The following DPP10 variants were observed in gnomAD, a reference collection of about 807,000 sequenced individuals.
DPP10 encodes the protein inactive dipeptidyl peptidase 10.
In DPP10, 33 loss-of-function variants were observed where a neutral mutation model predicts 120.9. The ratio of observed to expected loss-of-function variants is 0.27; its 90% CI spans 0.21 to 0.37. The LOEUF is 0.37. DPP10 is among the 10% of genes least tolerant of loss of function. The pLI is 1.00. For missense variants in DPP10, 816 were observed against 942.8 expected (o/e 0.87, Z 1.76); for synonymous variants, 337 against 326.1 (o/e 1.03, Z -0.36).
chr2:114,647,561 A>G (rs1198938308), intron 1 of DPP10, among the ~76,000 whole-genome samples: 1 of 152,084 alleles, frequency 6.6e-6, no homozygotes. Flanking sequence ...AATGAAATCC[A>G]TAATGAAAAG....
At chr2:114,740,769 A>G (rs1357350994) in intron 1 of DPP10, among the ~76,000 whole-genome samples, 2 of 152,204 alleles carry the variant, frequency 1.3e-5, no homozygotes, top group Non-Finnish European at 2.9e-5. Context: ...GCAGAAACAG[A>G]CTATGGACAA....
intron 1 of DPP10, among the ~76,000 whole-genome samples, chr2:114,681,866 C>T (rs1317594937): frequency 6.6e-6 from 1 of 151,920 alleles, no homozygotes; most frequent in Non-Finnish European, 1.5e-5. Context: ...ATCACTGTGG[C>T]ATTTTGCTGT....
intron 3 of DPP10, among the ~76,000 whole-genome samples, chr2:115,362,190 A>G (rs1332316980): frequency 6.6e-6 from 1 of 152,194 alleles, no homozygotes; most frequent in East Asian, 1.9e-4. Context: ...ATGTAGGTGC[A>G]TTCCAAAATG....
rs566836368 is a variant in DPP10, at chr2:115,383,282, G to A, written c.271+39370G>A. 9.4e-4 allele frequency among the ~76,000 whole-genome samples: 143 copies of A among 152,286 alleles called. 1 individual carries two copies. The South Asian group carries it at 0.011, about 11-fold the overall frequency. On this transcript the variant is annotated intron_variant, in intron 3 of 25. Transcript: ENST00000410059. ...ATGCTGTTCTCATGATAGTGAATAA[G>A]TCTCACAAGATATGATGGTTTTATA... is the stretch of plus-strand genomic sequence containing the variant.
At position 114,603,189 on chromosome 2, in the gene DPP10, C is replaced by G. The variant is rs115884050; in HGVS notation, c.60+160351C>G. ...CCACTTGTTTCAATTTACTACATGC[C>G]AGACTCTATATTACATACTTAACAT... is the stretch of plus-strand genomic sequence containing the variant. On this transcript the variant is annotated intron_variant, in intron 1 of 25. Transcript: ENST00000410059. Among the ~76,000 whole-genome samples, 772 of 151,998 alleles carry G rather than the reference C, an allele frequency of 5.1e-3. 8 individuals carry two copies. The highest frequency in any genetic ancestry group is 0.017 in the African/African-American group (718 of 41,468).
intron 1 of DPP10, among the ~76,000 whole-genome samples, chr2:114,698,837 A>G (rs1416317362): frequency 6.6e-6 from 1 of 152,090 alleles, no homozygotes; most frequent in African/African-American, 2.4e-5. Context: ...TAAAAACAAG[A>G]TGGTCATAAC....
intron 1 of DPP10, among the ~76,000 whole-genome samples, chr2:114,534,865 C>T (rs539880627): frequency 2.0e-5 from 3 of 152,268 alleles, no homozygotes; most frequent in Admixed American, 6.5e-5. Context: ...CCTTTATCTG[C>T]CTCTCCTGGT....
At chr2:114,907,653 A>T (rs372931533) in intron 1 of DPP10, among the ~76,000 whole-genome samples, 1 of 152,068 alleles carries the variant, frequency 6.6e-6, no homozygotes, top group Non-Finnish European at 1.5e-5. Flanking sequence ...TTATGGCTGG[A>T]AAACATGTAT....
chr2:115,451,372 A>G (rs987057026), intron 3 of DPP10, among the ~76,000 whole-genome samples: 5 of 151,900 alleles, frequency 3.3e-5, no homozygotes, highest in Non-Finnish European at 5.9e-5. Context: ...ATACCTTCCA[A>G]AATTTCAGTG....
At chr2:114,715,334 G>A (rs1458044732) in intron 1 of DPP10, among the ~76,000 whole-genome samples, 1 of 152,078 alleles carries the variant, frequency 6.6e-6, no homozygotes, top group African/African-American at 2.4e-5. Context: ...TGGCCAGGTT[G>A]TCAGTGGAAG....
In DPP10 at chr2:114,530,418, A is replaced by C. The variant is rs550382444; in HGVS notation, c.60+87580A>C. Among the ~76,000 whole-genome samples the C allele has an allele frequency of 5.3e-5, 8 of 152,322 alleles. No individual in the cohort carries two copies. The South Asian group carries it at 1.7e-3, about 32-fold the overall frequency. Reference sequence around the variant, plus strand: ...TGAATGAGACAGCAACAGCAGTGAAAGTAGCCTTCCATGATTATTATCGAA... The same window carrying C: ...TGAATGAGACAGCAACAGCAGTGAACGTAGCCTTCCATGATTATTATCGAA... On this transcript the variant is annotated intron_variant, in intron 1 of 25. Transcript: ENST00000410059.
chr2:114,978,149 A>G (rs1699866930), intron 1 of DPP10, among the ~76,000 whole-genome samples: 1 of 152,206 alleles, frequency 6.6e-6, no homozygotes, highest in Admixed American at 6.5e-5. Flanking sequence ...GACATTGGCA[A>G]CGTTAATCAG....
intron 7 of DPP10, among the ~76,000 whole-genome samples, chr2:115,723,372 T>G (rs538406339): frequency 6.6e-6 from 1 of 152,326 alleles, no homozygotes; most frequent in East Asian, 1.9e-4. Flanking sequence ...TGACGATATC[T>G]CAGTGAAATT....
chr2:114,724,208 G>A (rs530856799), intron 1 of DPP10, among the ~76,000 whole-genome samples: 3 of 152,224 alleles, frequency 2.0e-5, no homozygotes, highest in East Asian at 1.9e-4. Context: ...TATGCTAAAC[G>A]ATTACCTCTT....
At chr2:115,287,787 A>T (rs1290305788) in intron 1 of DPP10, among the ~76,000 whole-genome samples, 1 of 152,160 alleles carries the variant, frequency 6.6e-6, no homozygotes, top group Admixed American at 6.6e-5. Flanking sequence ...ATACCTAGGG[A>T]CATACTTGAC....
intron 3 of DPP10, among the ~76,000 whole-genome samples, chr2:115,368,302 T>C (rs1297740516): frequency 2.0e-5 from 3 of 152,100 alleles, no homozygotes; most frequent in Non-Finnish European, 4.4e-5. Context: ...TGGTAGCCCC[T>C]GGGGGCCATT....
chr2:115,210,343 C>T (rs2056426049), intron 1 of DPP10, among the ~76,000 whole-genome samples: 1 of 152,118 alleles, frequency 6.6e-6, no homozygotes. Flanking sequence ...CTACAAAGGA[C>T]ATGAACTGAT....
At chr2:115,043,555 T>C (rs1559028613) in intron 1 of DPP10, among the ~76,000 whole-genome samples, 1 of 152,312 alleles carries the variant, frequency 6.6e-6, no homozygotes, top group Non-Finnish European at 1.5e-5. Flanking sequence ...ACAGATTACA[T>C]AGTAAACTCT....
chr2:115,795,828 A>G (rs1216033925), intron 19 of DPP10, among the ~76,000 whole-genome samples: 2 of 152,152 alleles, frequency 1.3e-5, no homozygotes, highest in Non-Finnish European at 2.9e-5. Context: ...GCTTCAGACA[A>G]GTCAGACATC....
Sources: allele counts gnomAD v4.1 joint callset (sites outside exome capture counted in the v4.1 genomes callset), GRCh38; gene constraint gnomAD v4.1.1; transcripts MANE v1.5; gene names NCBI Gene and HGNC (gene_info 2026-07-23, HGNC 2026-07-21).